Variants in PPP1R1C observed in about 807,000 individuals in gnomAD.
PPP1R1C encodes the protein protein phosphatase 1 regulatory subunit 1C.
Under a neutral mutation model 17.4 loss-of-function variants are expected in PPP1R1C, and 15 were observed. The observed-to-expected ratio is 0.86, with a 90% CI of 0.58 to 1.33. The LOEUF is 1.33. Among genes scored for constraint, PPP1R1C ranks in the 40% most tolerant of loss-of-function variants. PPP1R1C has a pLI of 0.00. For missense variants in PPP1R1C, 143 were observed against 130.0 expected, an observed-to-expected ratio of 1.10 and a Z score of -0.48; for synonymous variants, 35 against 43.1, an observed-to-expected ratio of 0.81 and a Z score of 0.73.
intron 1 of PPP1R1C, among the ~76,000 whole-genome samples, chr2:181,973,011 C>G (rs986368320): frequency 6.6e-6 from 1 of 152,126 alleles, no homozygotes; most frequent in African/African-American, 2.4e-5. Context: ...CTTTTTAAAA[C>G]TGGATCATTA....
At chr2:182,060,121 A>T (rs943106487) in intron 2 of PPP1R1C, among the ~76,000 whole-genome samples, 2 of 152,124 alleles carry the variant, frequency 1.3e-5, no homozygotes, top group Non-Finnish European at 2.9e-5. Context: ...ATTGCATCAG[A>T]CACTTGTGAT....
downstream of PPP1R1C, among the ~76,000 whole-genome samples, chr2:182,119,881 C>G (rs559862522): frequency 6.6e-6 from 1 of 152,264 alleles, no homozygotes; most frequent in Non-Finnish European, 1.5e-5. Flanking sequence ...ATGGTAGTTT[C>G]TTTCGCTGTG....
intron 4 of PPP1R1C, among the ~76,000 whole-genome samples, chr2:182,077,778 A>C (rs369278243): frequency 3.2e-4 from 48 of 152,318 alleles, no homozygotes; most frequent in African/African-American, 1.2e-3. Context: ...AGCACTTCAC[A>C]CTCAGTGCTT....
intron 2 of PPP1R1C, among the ~76,000 whole-genome samples, chr2:182,051,519 A>T (rs917416977): frequency 2.6e-5 from 4 of 151,988 alleles, no homozygotes; most frequent in Non-Finnish European, 5.9e-5. Context: ...ATAGACATTT[A>T]AAAAAAACGG....
At chr2:181,981,283 C>T (rs911404069), upstream of PPP1R1C, among the ~76,000 whole-genome samples, 14 of 152,292 alleles carry the variant, frequency 9.2e-5, no homozygotes, top group African/African-American at 3.4e-4. Flanking sequence ...ATGAATGAAT[C>T]ATTGATGTTT....
chr2:182,009,971 C>T (rs944692021), intron 2 of PPP1R1C, among the ~76,000 whole-genome samples: 18 of 151,908 alleles, frequency 1.2e-4, no homozygotes, highest in African/African-American at 4.4e-4. Context: ...CAATTCTGTT[C>T]CATTGGTCTG....
chr2:181,977,528 A>G (rs1465148092), intron 2 of PPP1R1C, among the ~76,000 whole-genome samples: 1 of 152,100 alleles, frequency 6.6e-6, no homozygotes, highest in Non-Finnish European at 1.5e-5. Context: ...CTTATTTGAC[A>G]AGGACTCATA....
At chr2:182,079,168 T>A (rs1688400668) in intron 4 of PPP1R1C, among the ~76,000 whole-genome samples, 1 of 152,204 alleles carries the variant, frequency 6.6e-6, no homozygotes, top group Non-Finnish European at 1.5e-5. Context: ...GAAGAGGATT[T>A]AGATAATGAG....
downstream of PPP1R1C, among the ~76,000 whole-genome samples, chr2:182,121,274 A>G (rs1689726929): frequency 1.3e-5 from 2 of 152,138 alleles, no homozygotes; most frequent in Non-Finnish European, 2.9e-5. Context: ...AGGTACAATC[A>G]TACCTAACCT....
Position 181,957,810 on chromosome 2 carries a change from G to A in PPP1R1C, n.111+3176G>A, listed in dbSNP as rs555574310. Among the ~76,000 whole-genome samples the A allele has an allele frequency of 6.6e-6, 1 of 152,266 alleles. No homozygotes were observed. The highest frequency in any genetic ancestry group is 2.4e-5 in the African/African-American group (1 of 41,556). ...TCATCAGCCAATGTTGATTCTTCTG[G>A]TGGCTGAGGGTCTTGTTGGATGACT... is the stretch of plus-strand genomic sequence containing the variant. On this transcript the variant is annotated intron_variant and non_coding_transcript_variant, in intron 1 of 5. Coordinates refer to the PPP1R1C transcript ENST00000464264. This position sits in a 1 kb window ranked among gnomAD's most constrained non-coding sequence, Gnocchi z 4.2.
chr2:182,067,172 G>A (rs1371287522), intron 4 of PPP1R1C, among the ~76,000 whole-genome samples: 1 of 151,956 alleles, frequency 6.6e-6, no homozygotes, highest in Admixed American at 6.6e-5. Context: ...ATTTACTTCT[G>A]TAAAACATCT....
chr2:182,037,908 G>T (rs1421684838), intron 2 of PPP1R1C, among the ~76,000 whole-genome samples: 1 of 152,036 alleles, frequency 6.6e-6, no homozygotes, highest in Non-Finnish European at 1.5e-5. Context: ...TCAAAGTCAT[G>T]CTGAAACCAC....
At chr2:181,974,751 A>G (rs961751313) in intron 1 of PPP1R1C, among the ~76,000 whole-genome samples, 26 of 152,238 alleles carry the variant, frequency 1.7e-4, no homozygotes, top group Non-Finnish European at 2.8e-4. Flanking sequence ...TGAGAACTAT[A>G]AATCAGAATG....
At position 182,031,618 on chromosome 2, in the gene PPP1R1C, A is replaced by G. The variant is rs76690198; in HGVS notation, c.143-29824A>G. Among the ~76,000 whole-genome samples, 70 of 152,332 alleles carry G rather than the reference A, an allele frequency of 4.6e-4. No homozygotes were observed. In the East Asian group the frequency reaches 9.6e-3, roughly 21 times the overall value. On this transcript the variant is annotated intron_variant, in intron 2 of 4. Coordinates refer to ENST00000682840, the MANE Select transcript of PPP1R1C (RefSeq NM_001080545.3). ...CTGTAATTACTTAGGCATAATTTGT[A>G]TTACAATAGCCTCACTTCTTATTTT...
At chr2:182,034,248 A>G in intron 2 of PPP1R1C, among the ~76,000 whole-genome samples, 1 of 152,176 alleles carries the variant, frequency 6.6e-6, no homozygotes, top group East Asian at 1.9e-4. Flanking sequence ...ACAAATGTTT[A>G]ATTTATGATA....
At chr2:182,096,447 T>TAC (rs10669358) in intron 4 of PPP1R1C, among the ~76,000 whole-genome samples, 6,854 of 152,230 alleles carry the variant, frequency 0.045, 521 homozygotes, top group African/African-American at 0.16. Context: ...TCTGAGTCCG[T>TAC]ACACGGCTTT....
At chr2:182,104,378 G>A (rs904414531) in intron 4 of PPP1R1C, among the ~76,000 whole-genome samples, 1 of 152,144 alleles carries the variant, frequency 6.6e-6, no homozygotes, top group South Asian at 2.1e-4. Context: ...AATTTGTTAA[G>A]TGGTTTTATC....
chr2:182,121,263 T>C (rs1689726704), downstream of PPP1R1C, among the ~76,000 whole-genome samples: 1 of 152,160 alleles, frequency 6.6e-6, no homozygotes, highest in Admixed American at 6.6e-5. Context: ...ATTTGTAAAA[T>C]AGGTACAATC....
chr2:181,969,286 A>G (rs1684961429), intron 1 of PPP1R1C, among the ~76,000 whole-genome samples: 1 of 152,192 alleles, frequency 6.6e-6, no homozygotes, highest in Non-Finnish European at 1.5e-5. Flanking sequence ...GGACAGGGCT[A>G]ATGTTGATGA....
Sources: allele counts gnomAD v4.1 joint callset (sites outside exome capture counted in the v4.1 genomes callset), GRCh38; gene constraint gnomAD v4.1.1; non-coding constraint Gnocchi (gnomAD v3.1); transcripts MANE v1.5; gene names NCBI Gene and HGNC (gene_info 2026-07-23, HGNC 2026-07-21).